SKIC8: variants seen among roughly 807,000 people sequenced by gnomAD.
SKIC8 encodes the protein superkiller complex protein 8.
the SKIC8 span, among the ~76,000 whole-genome samples, chr15:78,287,078 C>T: frequency 6.6e-6 from 1 of 152,166 alleles, no homozygotes; most frequent in Non-Finnish European, 1.5e-5. Context: ...ATTCTTGGGT[C>T]TTCATTCAGT....
chr15:78,288,867 T>C, the SKIC8 span: 60 of 433,988 alleles, frequency 1.4e-4, 1 homozygote, highest in African/African-American at 9.6e-4. Flanking sequence ...TACCCAGTCC[T>C]CCTTTCCAGA....
the SKIC8 span, chr15:78,292,943 G>C: frequency 1.0e-6 from 1 of 1,002,336 alleles, no homozygotes; most frequent in Non-Finnish European, 1.4e-6. Context: ...AATGCTGCCA[G>C]GTTTTAAATG....
the SKIC8 span, chr15:78,293,216 C>G: frequency 3.1e-5 from 50 of 1,614,038 alleles, no homozygotes; most frequent in Non-Finnish European, 4.2e-5. Flanking sequence ...ACCACTGTCT[C>G]AGAGTTTTCC....
chr15:78,287,360 G>A, the SKIC8 span, among the ~76,000 whole-genome samples: 1 of 152,142 alleles, frequency 6.6e-6, no homozygotes, highest in Admixed American at 6.5e-5. Context: ...TCTATGTCTA[G>A]CTGATAACCT....
At chr15:78,295,101 C>G in the SKIC8 span, 2 of 1,075,282 alleles carry the variant, frequency 1.9e-6, no homozygotes, top group African/African-American at 1.6e-5. Flanking sequence ...TGCTGTCAAC[C>G]TGGCCATCCC....
chr15:78,291,250 C>A, the SKIC8 span: 1 of 152,206 alleles, frequency 6.6e-6, no homozygotes, highest in Admixed American at 6.5e-5. Context: ...GTGCCCAGGG[C>A]TACAACCAGC....
At chr15:78,289,766 C>G in the SKIC8 span, 1 of 1,569,224 alleles carries the variant, frequency 6.4e-7, no homozygotes, top group South Asian at 1.1e-5. Context: ...TGTTGTTAAG[C>G]TGTCCCTACC....
At chr15:78,294,878 A>G in the SKIC8 span, 94 of 1,599,946 alleles carry the variant, frequency 5.9e-5, 2 homozygotes, top group South Asian at 9.5e-4. Context: ...CAGCATGACA[A>G]AAGTCTTAAA....
At chr15:78,292,486 C>G in the SKIC8 span, 1 of 976,134 alleles carries the variant, frequency 1.0e-6, no homozygotes, top group Non-Finnish European at 1.6e-6. Flanking sequence ...ATGTGAAATA[C>G]AGTTCATGCA....
the SKIC8 span, chr15:78,288,877 A>G: frequency 2.3e-6 from 1 of 438,236 alleles, no homozygotes; most frequent in East Asian, 7.1e-5. Context: ...TCCTTTCCAG[A>G]GGCCACCGGT....
the SKIC8 span, chr15:78,295,666 A>G: frequency 6.3e-7 from 1 of 1,588,210 alleles, no homozygotes; most frequent in African/African-American, 1.3e-5. Context: ...CCTTCAACAC[A>G]GGTCTTACCT....
the SKIC8 span, chr15:78,283,434 A>G: frequency 6.2e-7 from 1 of 1,612,670 alleles, no homozygotes; most frequent in Non-Finnish European, 8.5e-7. Context: ...TTTGATGTTT[A>G]AATTGGACAA....
At chr15:78,293,080 T>C in the SKIC8 span, 1 of 1,211,216 alleles carries the variant, frequency 8.3e-7, no homozygotes. Context: ...TAGAAAAAAG[T>C]ATTTCCCGGA....
At chr15:78,291,212 A>G in the SKIC8 span, 6 of 152,300 alleles carry the variant, frequency 3.9e-5, no homozygotes, top group African/African-American at 9.6e-5. Context: ...CTTGGAACCA[A>G]TCCAGCACTG....
At chr15:78,289,770 C>T in the SKIC8 span, 3 of 1,563,884 alleles carry the variant, frequency 1.9e-6, no homozygotes, top group Non-Finnish European at 2.6e-6. Context: ...GTTAAGCTGT[C>T]CCTACCAAAC....
the SKIC8 span, among the ~76,000 whole-genome samples, chr15:78,294,085 G>A: frequency 4.1e-4 from 63 of 152,302 alleles, no homozygotes; most frequent in South Asian, 8.5e-3. Context: ...CACAGACAGC[G>A]TTGTGGCTTC....
At chr15:78,283,541 T>TA in the SKIC8 span, 1 of 1,567,978 alleles carries the variant, frequency 6.4e-7, no homozygotes, top group South Asian at 1.1e-5. Context: ...TAAAAAAAGA[T>TA]AGTTCTACAA....
chr15:78,289,478 G>C, the SKIC8 span: 1 of 656,938 alleles, frequency 1.5e-6, no homozygotes, highest in South Asian at 2.0e-5. Flanking sequence ...CTAAAACCTG[G>C]AGGCATTTCA....
the SKIC8 span, chr15:78,296,148 GC>G: frequency 6.5e-6 from 1 of 153,090 alleles, no homozygotes; most frequent in Non-Finnish European, 1.5e-5. Context: ...GCCTTTAAGA[GC>G]CAACAGGCAG....
Sources: allele counts gnomAD v4.1 joint callset (sites outside exome capture counted in the v4.1 genomes callset), GRCh38; gene constraint gnomAD v4.1.1; transcripts MANE v1.5; gene names NCBI Gene and HGNC (gene_info 2026-07-23, HGNC 2026-07-21).